Variants in GJA3 observed in about 807,000 individuals in gnomAD.
The protein encoded by GJA3 is gap junction protein alpha 3.
For synonymous variants in GJA3, 297 were observed against 292.6 expected (o/e 1.02, Z -0.15); for missense variants, 571 against 620.3 (o/e 0.92, Z 0.84).
At position 20,151,602 on chromosome 13, in the gene GJA3, C is replaced by T. The variant is rs202147841; in HGVS notation, c.-17-8297G>A. On this transcript the variant is annotated intron_variant, in intron 1 of 1. Coordinates refer to ENST00000241125, the MANE Select transcript of GJA3 (RefSeq NM_021954.4). ...GCCAGAGCAGACCGGGGCTCCAGGA[C>T]ATGGGAGCCTCAGGTATGAGGGCAG... Among the ~76,000 whole-genome samples the T allele has an allele frequency of 5.9e-5, 9 of 152,236 alleles. No homozygotes were observed. The East Asian group carries it at 1.7e-3, about 29-fold the overall frequency.
In GJA3 at chr13:20,157,665, C is replaced by A. The variant is rs574380404; in HGVS notation, c.-18+3225G>T. Among the ~76,000 whole-genome samples, 74 of 152,302 alleles carry A rather than the reference C, an allele frequency of 4.9e-4. No individual in the cohort carries two copies. In the Middle Eastern group the frequency reaches 0.01, roughly 21 times the overall value. On this transcript the variant is annotated intron_variant, in intron 1 of 1. Coordinates refer to ENST00000241125, the MANE Select transcript of GJA3 (RefSeq NM_021954.4). ...CAGGCAGACTGTTCAGCTTATGACA[C>A]TATGTATTACATGCCTTTTGCATTT...
intron 1 of GJA3, among the ~76,000 whole-genome samples, chr13:20,143,544 G>A (rs1040291889): frequency 6.6e-6 from 1 of 150,428 alleles, no homozygotes; most frequent in Non-Finnish European, 1.5e-5. Context: ...AGAGCCAGAA[G>A]AGAAAATGCC....
In GJA3 at chr13:20,140,153, GTCAC is replaced by G. The variant is rs1292824591; in HGVS notation, c.*1824_*1827del. 6.6e-6 allele frequency: 1 copy of G among 152,136 alleles called. No homozygotes were observed. The highest frequency in any genetic ancestry group is 1.5e-5 in the Non-Finnish European group (1 of 68,034). 9.4% of individuals were successfully genotyped at this position (152,136 alleles called of 1,614,324 possible). A position where few individuals can be genotyped will look rare whatever the true frequency, so the allele number is the denominator to read the frequency against. On this transcript the variant is annotated 3_prime_UTR_variant, in exon 2 of 2. Transcript: ENST00000241125. ...CACCAGCCTGGAGAGGAGTGAGAAA[GTCAC>G]TCACAGTTTTCCAAAGGGCTAATTT...
At chr13:20,149,864 T>A (rs529720733) in intron 1 of GJA3, among the ~76,000 whole-genome samples, 3 of 152,114 alleles carry the variant, frequency 2.0e-5, no homozygotes, top group Admixed American at 6.5e-5. Flanking sequence ...GCAGGACAGA[T>A]GAATGAAAGA....
At chr13:20,143,636 C>A (rs1958826675) in intron 1 of GJA3, among the ~76,000 whole-genome samples, 1 of 152,264 alleles carries the variant, frequency 6.6e-6, no homozygotes, top group South Asian at 2.1e-4. Context: ...CCCCTTAGGC[C>A]ACTTCTGAAT....
rs543711227 is a variant in GJA3 at position 20,142,056 on chromosome 13, G to A, written c.1233C>T (p.Leu411=). 4.8e-4 allele frequency: 746 copies of A among 1,550,188 alleles called. 9 individuals carry two copies. In the South Asian group the frequency reaches 6.8e-3, roughly 14 times the overall value. Residue 411 remains leucine (L), a synonymous_variant, in exon 2 of 2, where the codon CTC becomes CTT. Coordinates refer to ENST00000241125, the MANE Select transcript of GJA3 (RefSeq NM_021954.4). ...CCTTGCTGGCCCGACCTGGGTCTCCGAGGGGCAAGGGCGGCTGGTGCATCT... is the reference window on the plus strand; with the variant it reads ...CCTTGCTGGCCCGACCTGGGTCTCCAAGGGGCAAGGGCGGCTGGTGCATCT... ...AAQMHQPPLP[L]GDPGRASKAS... is the part of the protein sequence containing the mutation.
rs1958811677 is a variant in GJA3 at position 20,142,186 on chromosome 13, G to T, written c.1103C>A (p.Ala368Glu). Reference protein sequence around the residue: ...SSPPLAHEAEAGAAPLLLDGS... With the variant: ...SSPPLAHEAEEGAAPLLLDGS... ...ATCCAGCAGCAGGGGCGCCGCGCCCGCCTCAGCCTCGTGCGCGAGTGGCGG... is the reference window on the plus strand; with the variant it reads ...ATCCAGCAGCAGGGGCGCCGCGCCCTCCTCAGCCTCGTGCGCGAGTGGCGG... Residue 368 changes from alanine (A) to glutamate (E), a missense_variant, in exon 2 of 2, where the codon GCG becomes GAG. Coordinates refer to ENST00000241125, the MANE Select transcript of GJA3 (RefSeq NM_021954.4). The T allele has an allele frequency of 6.6e-7, 1 of 1,508,426 alleles. No individual in the cohort carries two copies. Among genetic ancestry groups the T allele is most frequent in the Non-Finnish European group, 8.8e-7 (1 of 1,131,396 alleles). The allele number at this position is 1,508,426 out of a possible 1,614,324, so 93.4% of individuals were successfully genotyped here.
At chr13:20,153,240 T>C (rs921101358) in intron 1 of GJA3, among the ~76,000 whole-genome samples, 1 of 152,228 alleles carries the variant, frequency 6.6e-6, no homozygotes, top group Non-Finnish European at 1.5e-5. Flanking sequence ...TCTTGTACTC[T>C]ATATGGCTGA....
In GJA3 at chr13:20,140,670, T is replaced by C. The variant is rs1593332184; in HGVS notation, c.*1311A>G. ...CCACACACATAAATAGCCTTCCCTG[T>C]CAGGACAGCTCTGGTGTGGAGGCAG... On this transcript the variant is annotated 3_prime_UTR_variant, in exon 2 of 2. Transcript: ENST00000241125. The C allele has an allele frequency of 6.6e-6, 1 of 152,332 alleles. No homozygotes were observed. The highest frequency in any genetic ancestry group is 1.9e-4 in the East Asian group (1 of 5,186). 9.4% of individuals were successfully genotyped at this position (152,332 alleles called of 1,614,324 possible).
At chr13:20,148,253 CTTTTTTT>C (rs71074204) in intron 1 of GJA3, among the ~76,000 whole-genome samples, 2 of 90,726 alleles carry the variant, frequency 2.2e-5, no homozygotes, top group African/African-American at 4.0e-5. Context: ...TACTATGGTT[CTTTTTTT>C]TTTTTTTTTT....
In GJA3 at chr13:20,142,986, G is replaced by T. The variant is rs768576472; in HGVS notation, c.303C>A (p.Arg101=). Residue 101 remains arginine (R), a synonymous_variant, in exon 2 of 2, where the codon CGC becomes CGA. Coordinates refer to ENST00000241125, the MANE Select transcript of GJA3 (RefSeq NM_021954.4). ...CCCTCTCTTTCTTCTTCTCTTCCAT[G>T]CGCACGATGTGCAGCACGTGGCCCA... The part of the protein sequence containing the change: ...IYLGHVLHIV[R]MEEKKKEREE... 1.9e-6 allele frequency: 3 copies of T among 1,597,484 alleles called. No individual in the cohort carries two copies. The highest frequency in any genetic ancestry group is 2.6e-6 in the Non-Finnish European group (3 of 1,171,944).
intron 1 of GJA3, among the ~76,000 whole-genome samples, chr13:20,149,695 G>A (rs1406756362): frequency 1.3e-5 from 2 of 152,226 alleles, no homozygotes; most frequent in African/African-American, 4.8e-5. Context: ...TTGGATAAGA[G>A]GTGGGAGAAG....
intron 1 of GJA3, among the ~76,000 whole-genome samples, chr13:20,160,218 T>G (rs1188680881): frequency 6.6e-6 from 1 of 152,204 alleles, no homozygotes; most frequent in African/African-American, 2.4e-5. Context: ...GACAGTGCTT[T>G]TCCACTCCTC....
intron 1 of GJA3, among the ~76,000 whole-genome samples, chr13:20,145,282 G>C (rs911261183): frequency 1.3e-5 from 2 of 152,128 alleles, no homozygotes; most frequent in African/African-American, 2.4e-5. Context: ...ACAGACGAAT[G>C]TTAACTCTCC....
At chr13:20,146,499 T>C (rs1958843650) in intron 1 of GJA3, among the ~76,000 whole-genome samples, 1 of 152,238 alleles carries the variant, frequency 6.6e-6, no homozygotes, top group Non-Finnish European at 1.5e-5. Context: ...CTGGAATATA[T>C]GCCCTTGGAA....
At position 20,140,287 on chromosome 13, in the gene GJA3, G is replaced by A. The variant is rs933382937; in HGVS notation, c.*1694C>T. ...CAGTGCATCCTACAGCAAGCAGAAT[G>A]TACTAACAAATTCTTTGTGTTTGAC... On this transcript the variant is annotated 3_prime_UTR_variant, in exon 2 of 2. Transcript: ENST00000241125. 3.9e-5 allele frequency: 6 copies of A among 152,110 alleles called. No individual in the cohort carries two copies. The highest frequency in any genetic ancestry group is 1.4e-4 in the African/African-American group (6 of 41,426). The allele number at this position is 152,110 out of a possible 1,614,324, so 9.4% of individuals were successfully genotyped here. A position where few individuals can be genotyped will look rare whatever the true frequency, so the allele number is the denominator to read the frequency against.
intron 1 of GJA3, among the ~76,000 whole-genome samples, chr13:20,145,494 C>T (rs1057495116): frequency 6.6e-6 from 1 of 152,194 alleles, no homozygotes; most frequent in Admixed American, 6.5e-5. Flanking sequence ...TGTCTGGGAA[C>T]AATTTGGGGT....
chr13:20,154,741 T>G (rs1416471143), intron 1 of GJA3, among the ~76,000 whole-genome samples: 2 of 152,230 alleles, frequency 1.3e-5, no homozygotes, highest in Non-Finnish European at 2.9e-5. Flanking sequence ...TGTTTTCAAT[T>G]TTTTAAACTA....
chr13:20,144,993 C>T (rs1036124401), intron 1 of GJA3, among the ~76,000 whole-genome samples: 34 of 152,144 alleles, frequency 2.2e-4, no homozygotes, highest in Non-Finnish European at 4.6e-4. Flanking sequence ...ATAGCCTGGC[C>T]CACATGGTGA....
Sources: allele counts gnomAD v4.1 joint callset (sites outside exome capture counted in the v4.1 genomes callset), GRCh38; gene constraint gnomAD v4.1.1; transcripts MANE v1.5; gene names NCBI Gene and HGNC (gene_info 2026-07-23, HGNC 2026-07-21).